Variants in CPLANE1 observed in about 807,000 individuals in gnomAD.
CPLANE1 encodes ciliogenesis and planar polarity effector 1.
In CPLANE1, 263 loss-of-function variants were observed where a neutral mutation model predicts 362.5. The ratio of observed to expected loss-of-function variants is 0.73; its 90% CI spans 0.66 to 0.80. The LOEUF (loss-of-function observed/expected upper bound fraction) is 0.80, where lower values mean the gene tolerates loss of function less well. Among genes scored for constraint, CPLANE1 ranks in the 30% least tolerant of loss-of-function variants. The pLI is 0.00. For synonymous variants in CPLANE1, 1,212 were observed against 1,302.6 expected, an observed-to-expected ratio of 0.93 and a Z score of 1.50; for missense variants, 3,461 against 3,793.4, an observed-to-expected ratio of 0.91 and a Z score of 2.30.
chr5:37,127,594 C>A (rs1453696364), intron 46 of CPLANE1, among the ~76,000 whole-genome samples: 3 of 147,888 alleles, frequency 2.0e-5, no homozygotes, highest in African/African-American at 7.5e-5. Context: ...TCTTGGCTCA[C>A]TGCAACCTCT....
chr5:37,159,333 G>T (rs1049545286), intron 38 of CPLANE1, among the ~76,000 whole-genome samples: 111 of 150,056 alleles, frequency 7.4e-4, no homozygotes, highest in African/African-American at 2.6e-3. Flanking sequence ...GGATGGTCTC[G>T]ATCTCCTGAC....
At chr5:37,117,501 T>C (rs1167565614) in intron 50 of CPLANE1, among the ~76,000 whole-genome samples, 1 of 152,106 alleles carries the variant, frequency 6.6e-6, no homozygotes, top group Non-Finnish European at 1.5e-5. Flanking sequence ...GAATATTAAA[T>C]TGATTATATC....
At chr5:37,076,318 T>C in the CPLANE1 span, among the ~76,000 whole-genome samples, 8 of 152,002 alleles carry the variant, frequency 5.3e-5, no homozygotes, top group African/African-American at 1.7e-4. Context: ...TGTCAAACTT[T>C]TTTTTTCTTT....
chr5:37,127,955 CTT>C (rs1764692153), intron 46 of CPLANE1, among the ~76,000 whole-genome samples: 1 of 151,984 alleles, frequency 6.6e-6, no homozygotes, highest in Non-Finnish European at 1.5e-5. Context: ...GGGAGAATCA[CTT>C]AAGCCTGGGG....
intron 50 of CPLANE1, among the ~76,000 whole-genome samples, 153 bp downstream of exon 50, chr5:37,120,063 T>C (rs1167396176): frequency 2.6e-5 from 4 of 151,504 alleles, no homozygotes; most frequent in African/African-American, 9.7e-5. Context: ...AAAAAAAAAA[T>C]TACAGCTAAG....
intron 14 of CPLANE1, among the ~76,000 whole-genome samples, chr5:37,221,812 C>G (rs1444577434): frequency 6.6e-6 from 1 of 151,818 alleles, no homozygotes; most frequent in Non-Finnish European, 1.5e-5. Flanking sequence ...ATACTTTGCT[C>G]TTTTTCATTT....
Position 37,213,546 on chromosome 5 carries a change from T to C in CPLANE1, c.2920+13A>G. 6.6e-7 allele frequency: 1 copy of C among 1,507,910 alleles called. No individual in the cohort carries two copies. The allele number at this position is 1,507,910 out of a possible 1,614,324, so 93.4% of individuals were successfully genotyped here. A position where few individuals can be genotyped will look rare whatever the true frequency, so the allele number is the denominator to read the frequency against. On this transcript the variant is annotated intron_variant, in intron 16 of 52. Transcript: ENST00000651892. Reference sequence around the variant, plus strand: ...GCAAAAAAAGTTTAAAAAGGATTTGTTTACTACATTACCTGTTTTAATATG... The same window carrying C: ...GCAAAAAAAGTTTAAAAAGGATTTGCTTACTACATTACCTGTTTTAATATG...
At chr5:37,161,628 A>C (rs1776872073) in intron 38 of CPLANE1, among the ~76,000 whole-genome samples, 2 of 152,188 alleles carry the variant, frequency 1.3e-5, no homozygotes, top group African/African-American at 4.8e-5. Context: ...GATTAAACTA[A>C]ACTCTCATGG....
At chr5:37,081,421 C>T in the CPLANE1 span, among the ~76,000 whole-genome samples, 1 of 152,074 alleles carries the variant, frequency 6.6e-6, no homozygotes, top group Admixed American at 6.5e-5. Context: ...CTCCCGAGTT[C>T]AAGTGATTCT....
rs1783118638 is a variant in CPLANE1, at chr5:37,183,111, ATCT to A, written c.5067_5069del (p.Gln1689_Asp1690delinsHis). ...GGATTAGACATTTCTCTCTAGTGTC[ATCT>A]TGTATTTTGTAAATTGACCTTTGTT... On this transcript the variant is annotated inframe_deletion, in exon 26 of 53. Transcript: ENST00000651892. 6.2e-7 allele frequency: 1 copy of A among 1,613,222 alleles called. No homozygotes were observed.
chr5:37,189,272 C>T (rs1432254703), intron 21 of CPLANE1, among the ~76,000 whole-genome samples: 1 of 152,092 alleles, frequency 6.6e-6, no homozygotes, highest in Non-Finnish European at 1.5e-5. Context: ...AACAGTTTGA[C>T]ATTATGGAAA....
At chr5:37,182,723 T>G in intron 26 of CPLANE1, 37 bp downstream of exon 26, 1 of 1,236,774 alleles carries the variant, frequency 8.1e-7, no homozygotes, top group Non-Finnish European at 1.1e-6. Flanking sequence ...AAAATGAGAA[T>G]TCTCATTTGT....
At chr5:37,180,219 C>T in intron 27 of CPLANE1, 36 bp from the exon 28 acceptor site, 4 of 1,346,746 alleles carry the variant, frequency 3.0e-6, no homozygotes, top group South Asian at 3.7e-5. Flanking sequence ...TACAACTATT[C>T]TTGGAGATAA....
chr5:37,133,584 T>C (rs1022732945), intron 46 of CPLANE1, among the ~76,000 whole-genome samples: 1 of 152,050 alleles, frequency 6.6e-6, no homozygotes, highest in East Asian at 1.9e-4. Flanking sequence ...TTGAATGTTA[T>C]TGGTGCATAG....
At chr5:37,226,157 T>C (rs1796437406) in intron 12 of CPLANE1, 147 bp downstream of exon 12, 2 of 541,904 alleles carry the variant, frequency 3.7e-6, no homozygotes, top group African/African-American at 3.9e-5. Context: ...GTGCTAATAG[T>C]TTCACAACCT....
intron 26 of CPLANE1, 59 bp from the exon 27 acceptor site, chr5:37,181,064 T>C: frequency 7.3e-7 from 1 of 1,370,910 alleles, no homozygotes; most frequent in Admixed American, 2.1e-5. Flanking sequence ...TTCACCATAT[T>C]TTAAAATTAT....
At chr5:37,228,180 A>G (rs536800207) in intron 9 of CPLANE1, among the ~76,000 whole-genome samples, 165 of 152,268 alleles carry the variant, frequency 1.1e-3, no homozygotes, top group African/African-American at 3.8e-3. Context: ...AAATAAAATT[A>G]TGAACTATCA....
intron 21 of CPLANE1, 80 bp from the exon 22 acceptor site, chr5:37,187,922 A>AT (rs1309385424): frequency 8.8e-6 from 8 of 909,806 alleles, no homozygotes; most frequent in African/African-American, 1.7e-5. Flanking sequence ...TCTGCTGATC[A>AT]TTTTTTTCAA....
At chr5:37,198,103 G>C (rs773815799) in intron 20 of CPLANE1, among the ~76,000 whole-genome samples, 4 of 152,150 alleles carry the variant, frequency 2.6e-5, no homozygotes, top group Non-Finnish European at 5.9e-5. Flanking sequence ...TTCCAAGAGA[G>C]ACAGCAGGCA....
Sources: allele counts gnomAD v4.1 joint callset (sites outside exome capture counted in the v4.1 genomes callset), GRCh38; gene constraint gnomAD v4.1.1; transcripts MANE v1.5; gene names NCBI Gene and HGNC (gene_info 2026-07-23, HGNC 2026-07-21).